Variants in TENM2 observed in about 807,000 individuals in gnomAD.
TENM2 encodes the protein teneurin transmembrane protein 2.
Under a neutral mutation model 245.2 loss-of-function variants are expected in TENM2, and 52 were observed. That is an observed-to-expected ratio of 0.21 (90% CI 0.17 to 0.27). The LOEUF (loss-of-function observed/expected upper bound fraction) is 0.27, where lower values mean the gene tolerates loss of function less well. TENM2 is among the 10% of genes least tolerant of loss of function. TENM2 has a pLI of 1.00. For synonymous variants in TENM2, 1,363 were observed against 1,438.9 expected, an observed-to-expected ratio of 0.95 and a Z score of 1.19; for missense variants, 3,046 against 3,666.8, an observed-to-expected ratio of 0.83 and a Z score of 4.37.
At chr5:167,171,252 A>G in the TENM2 span, among the ~76,000 whole-genome samples, 1 of 152,118 alleles carries the variant, frequency 6.6e-6, no homozygotes, top group Non-Finnish European at 1.5e-5. Flanking sequence ...TATATTTACC[A>G]TAACTATACA....
intron 9 of TENM2, among the ~76,000 whole-genome samples, chr5:168,112,111 C>A: frequency 6.6e-6 from 1 of 152,088 alleles, no homozygotes; most frequent in African/African-American, 2.4e-5. Flanking sequence ...TTCATGGTTT[C>A]TAGAATTTAT....
the TENM2 span, among the ~76,000 whole-genome samples, chr5:167,003,268 C>G: frequency 6.6e-6 from 1 of 152,108 alleles, no homozygotes; most frequent in East Asian, 1.9e-4. Flanking sequence ...GTTTAATAAT[C>G]CAGGTGTCTT....
intron 2 of TENM2, among the ~76,000 whole-genome samples, chr5:167,662,669 C>T (rs747395710): frequency 7.2e-5 from 11 of 152,160 alleles, no homozygotes; most frequent in Non-Finnish European, 1.5e-4. Flanking sequence ...TTTTTATTTA[C>T]CCACATTTAA....
At chr5:167,698,221 G>A (rs780695350) in intron 2 of TENM2, among the ~76,000 whole-genome samples, 2 of 151,994 alleles carry the variant, frequency 1.3e-5, no homozygotes, top group African/African-American at 4.8e-5. Context: ...TTTTACCTTC[G>A]TAACTACCTT....
At chr5:167,030,768 G>A in the TENM2 span, among the ~76,000 whole-genome samples, 1 of 152,156 alleles carries the variant, frequency 6.6e-6, no homozygotes, top group Admixed American at 6.5e-5. Context: ...AAGGGAAGGA[G>A]CTTCTTTGTA....
chr5:167,437,083 A>G (rs1764606548), intron 2 of TENM2, among the ~76,000 whole-genome samples: 1 of 152,152 alleles, frequency 6.6e-6, no homozygotes, highest in Non-Finnish European at 1.5e-5. Flanking sequence ...AGACCCCAGA[A>G]TGGTAGATCC....
chr5:167,560,177 A>G (rs1383505030), intron 2 of TENM2, among the ~76,000 whole-genome samples: 2 of 152,178 alleles, frequency 1.3e-5, no homozygotes, highest in Non-Finnish European at 2.9e-5. Context: ...GCTCCAGTCC[A>G]CATCTACTGA....
chr5:167,825,011 A>C (rs1404321297), intron 2 of TENM2, among the ~76,000 whole-genome samples: 1 of 152,210 alleles, frequency 6.6e-6, no homozygotes, highest in Non-Finnish European at 1.5e-5. Flanking sequence ...AGCTTTGACA[A>C]ATACAGAAAG....
intron 2 of TENM2, among the ~76,000 whole-genome samples, chr5:167,794,108 A>C (rs1765162232): frequency 6.6e-6 from 1 of 152,034 alleles, no homozygotes; most frequent in South Asian, 2.1e-4. Flanking sequence ...ATTTCTATCC[A>C]CCTATTCAAT....
chr5:168,092,917 T>C (rs1359916244), intron 8 of TENM2, among the ~76,000 whole-genome samples: 1 of 152,220 alleles, frequency 6.6e-6, no homozygotes, highest in Non-Finnish European at 1.5e-5. Context: ...CCCAGTATTA[T>C]GCCTTCGTGT....
At chr5:167,983,174 A>AAAG (rs567583948) in intron 4 of TENM2, among the ~76,000 whole-genome samples, 1 of 136,370 alleles carries the variant, frequency 7.3e-6, no homozygotes, top group Non-Finnish European at 1.6e-5. Context: ...AGAGGGGGAA[A>AAAG]AAGAAGAAGA....
the TENM2 span, among the ~76,000 whole-genome samples, chr5:167,169,513 C>T: frequency 6.6e-6 from 1 of 152,166 alleles, no homozygotes. Flanking sequence ...GCCTCTGTTT[C>T]TCTCCCTGTA....
At chr5:167,503,998 G>A (rs1397943661) in intron 2 of TENM2, among the ~76,000 whole-genome samples, 1 of 152,206 alleles carries the variant, frequency 6.6e-6, no homozygotes, top group African/African-American at 2.4e-5. Flanking sequence ...AATGGGGACA[G>A]TCAGTTTGAT....
intron 2 of TENM2, among the ~76,000 whole-genome samples, chr5:167,843,080 C>T (rs1400950211): frequency 2.0e-5 from 3 of 152,124 alleles, no homozygotes; most frequent in Non-Finnish European, 4.4e-5. Flanking sequence ...GTGAAACTCC[C>T]ACAATTTTGC....
chr5:167,436,916 C>T (rs752260055), intron 2 of TENM2, among the ~76,000 whole-genome samples: 11 of 152,192 alleles, frequency 7.2e-5, no homozygotes, highest in Non-Finnish European at 1.5e-4. Context: ...TATGGAAATG[C>T]CTGGATGCCT....
chr5:167,307,051 C>G (rs889805208), intron 1 of TENM2, among the ~76,000 whole-genome samples: 2 of 152,172 alleles, frequency 1.3e-5, no homozygotes, highest in Non-Finnish European at 2.9e-5. Flanking sequence ...TGTTGACTGA[C>G]TATGTGAAAA....
the TENM2 span, among the ~76,000 whole-genome samples, chr5:167,165,525 G>GATC: frequency 6.6e-6 from 1 of 152,080 alleles, no homozygotes; most frequent in Non-Finnish European, 1.5e-5. Context: ...CATCAATGTT[G>GATC]ATCAGCACTG....
the TENM2 span, among the ~76,000 whole-genome samples, chr5:166,984,695 G>C: frequency 2.0e-5 from 3 of 152,024 alleles, no homozygotes; most frequent in African/African-American, 7.2e-5. Flanking sequence ...CATGATAGAA[G>C]ATAGCTATAT....
At chr5:168,009,545 A>G (rs1198242848) in intron 5 of TENM2, among the ~76,000 whole-genome samples, 1 of 151,710 alleles carries the variant, frequency 6.6e-6, no homozygotes, top group Non-Finnish European at 1.5e-5. Flanking sequence ...GTCTCGATTT[A>G]TTTTCTGTGT....
Sources: gnomAD v4.1 joint callset for allele counts (sites outside exome capture counted in the v4.1 genomes callset) on GRCh38, gnomAD v4.1.1 for gene constraint, MANE v1.5 for transcripts, NCBI Gene and HGNC (gene_info 2026-07-23, HGNC 2026-07-21) for gene names.